The following WWOX variants were observed in gnomAD, a reference collection of about 807,000 sequenced individuals.
WWOX encodes the protein WW domain-containing oxidoreductase.
Under a neutral mutation model 46.2 loss-of-function variants are expected in WWOX, and 69 were observed. The observed-to-expected ratio is 1.49, with a 90% CI of 1.23 to 1.82. The LOEUF is 1.82. Ranked by LOEUF, WWOX falls within the 40% of genes most tolerant of loss-of-function variation. The pLI, the probability that WWOX is intolerant of heterozygous loss-of-function variation, is 0.00. For synonymous variants in WWOX, 359 were observed against 202.6 expected (o/e 1.77, Z -6.56); for missense variants, 919 against 542.6 (o/e 1.69, Z -6.89).
chr16:78,634,833 A>T (rs1342410708), intron 8 of WWOX, among the ~76,000 whole-genome samples: 108 of 111,348 alleles, frequency 9.7e-4, no homozygotes, highest in African/African-American at 3.7e-3. Flanking sequence ...AGAGAGAGAG[A>T]GAGAGTGTGT....
In WWOX at chr16:78,808,520, T is replaced by C. The variant is rs1197228101; in HGVS notation, c.1056+375768T>C. 2.0e-5 allele frequency among the ~76,000 whole-genome samples: 3 copies of C among 152,188 alleles called. No individual in the cohort carries two copies. The East Asian group carries it at 5.8e-4, about 29-fold the overall frequency. On this transcript the variant is annotated intron_variant, in intron 8 of 8. Coordinates refer to ENST00000566780, the MANE Select transcript of WWOX (RefSeq NM_016373.4). The stretch of plus-strand genomic sequence containing the variant: ...TGATGATTACTAAAAATGTGGACCT[T>C]TGTGAATTTCCGATGTCATAGAAGG...
At chr16:78,776,008 C>T (rs1451599828) in intron 8 of WWOX, among the ~76,000 whole-genome samples, 1 of 152,198 alleles carries the variant, frequency 6.6e-6, no homozygotes, top group Non-Finnish European at 1.5e-5. Context: ...TTTTTCTCTG[C>T]AGGACACAGC....
intron 5 of WWOX, among the ~76,000 whole-genome samples, chr16:78,273,913 C>T (rs578234721): frequency 7.9e-5 from 12 of 152,246 alleles, no homozygotes; most frequent in African/African-American, 2.9e-4. Flanking sequence ...TCCATTGGCA[C>T]CTGGATTTAG....
chr16:78,273,670 A>G (rs534760908), intron 5 of WWOX, among the ~76,000 whole-genome samples: 1 of 152,304 alleles, frequency 6.6e-6, no homozygotes, highest in African/African-American at 2.4e-5. Flanking sequence ...TGCAGTGAGT[A>G]CAGGGAGGAA....
At chr16:79,042,751 C>T (rs2202424) in intron 8 of WWOX, among the ~76,000 whole-genome samples, 2,226 of 125,334 alleles carry the variant, frequency 0.018, 51 homozygotes, top group African/African-American at 0.065. Context: ...TTTCTTCTAA[C>T]TTGTCCTCCT....
At chr16:78,152,930 T>C (rs1480658151) in intron 4 of WWOX, among the ~76,000 whole-genome samples, 5 of 152,188 alleles carry the variant, frequency 3.3e-5, no homozygotes, top group African/African-American at 1.2e-4. Flanking sequence ...ATTTGAGATG[T>C]ATTTATGTTA....
At chr16:79,113,976 ATGTC>A (rs1312727060) in intron 8 of WWOX, among the ~76,000 whole-genome samples, 1 of 152,156 alleles carries the variant, frequency 6.6e-6, no homozygotes. Flanking sequence ...AGCCATGTCT[ATGTC>A]TGGCGATGTG....
At chr16:78,786,049 G>A (rs902482100) in intron 8 of WWOX, among the ~76,000 whole-genome samples, 5 of 152,154 alleles carry the variant, frequency 3.3e-5, no homozygotes, top group African/African-American at 9.7e-5. Context: ...TGGGAATACA[G>A]GCACCCACCA....
At chr16:78,996,101 G>A (rs1365898430) in intron 8 of WWOX, 3 of 610,220 alleles carry the variant, frequency 4.9e-6, no homozygotes, top group African/African-American at 4.0e-5. Flanking sequence ...AAATCAGAAC[G>A]TGGCCCCTTC....
In WWOX at chr16:78,858,757, C is replaced by T. The variant is rs200620485; in HGVS notation, c.1057-352851C>T. On this transcript the variant is annotated intron_variant, in intron 8 of 8. Coordinates refer to ENST00000566780, the MANE Select transcript of WWOX (RefSeq NM_016373.4). The stretch of plus-strand genomic sequence containing the variant: ...TGCAGGGCACAATCACAGCTCACTG[C>T]AGCCTCAAACTTCTAGGCTTAAGTG... Among the ~76,000 whole-genome samples the T allele has an allele frequency of 4.6e-5, 7 of 151,944 alleles. No individual in the cohort carries two copies. The East Asian group carries it at 1.2e-3, about 25-fold the overall frequency.
intron 8 of WWOX, among the ~76,000 whole-genome samples, chr16:78,682,575 C>A (rs1362473183): frequency 6.6e-6 from 1 of 152,016 alleles, no homozygotes; most frequent in African/African-American, 2.4e-5. Flanking sequence ...AGAGCGAGAC[C>A]CTGTCTCTGA....
At chr16:79,042,369 G>T (rs546427284) in intron 8 of WWOX, among the ~76,000 whole-genome samples, 2 of 152,170 alleles carry the variant, frequency 1.3e-5, no homozygotes, top group Non-Finnish European at 2.9e-5. Flanking sequence ...GCAGGGCCTG[G>T]AGCTGGGTTT....
At chr16:79,083,863 C>G (rs1597359269) in intron 8 of WWOX, among the ~76,000 whole-genome samples, 1 of 152,148 alleles carries the variant, frequency 6.6e-6, no homozygotes, top group African/African-American at 2.4e-5. Context: ...AATGTTCATC[C>G]TCCTATTTTG....
At chr16:79,132,178 G>A (rs1034056419) in intron 8 of WWOX, among the ~76,000 whole-genome samples, 25 of 148,826 alleles carry the variant, frequency 1.7e-4, no homozygotes, top group African/African-American at 3.5e-4. Flanking sequence ...CCCTTCCTAC[G>A]TCCTACATCC....
chr16:79,203,903 G>T (rs2051424239), intron 8 of WWOX: 1 of 152,150 alleles, frequency 6.6e-6, no homozygotes, highest in African/African-American at 2.4e-5. Flanking sequence ...AAGAAGTAGA[G>T]TAAAAATGTA....
At chr16:78,463,234 A>T (rs1057320009) in intron 8 of WWOX, among the ~76,000 whole-genome samples, 1 of 152,142 alleles carries the variant, frequency 6.6e-6, no homozygotes, top group African/African-American at 2.4e-5. Context: ...ACGCAGGGCT[A>T]TTTTAGGTGC....
At chr16:78,523,946 C>T (rs2043402880) in intron 8 of WWOX, among the ~76,000 whole-genome samples, 1 of 152,304 alleles carries the variant, frequency 6.6e-6, no homozygotes, top group East Asian at 1.9e-4. Flanking sequence ...TTTCCTTGTT[C>T]TTCTTTCCCT....
In WWOX at chr16:78,921,132, A is replaced by G. The variant is rs540308872; in HGVS notation, c.1057-290476A>G. ...GAGCTTCTTGACATCTTTTTGAAGA[A>G]TGGCGCTCTTTAAAAAAACATAAGG... On this transcript the variant is annotated intron_variant, in intron 8 of 8. Transcript: ENST00000566780. 3.9e-5 allele frequency among the ~76,000 whole-genome samples: 6 copies of G among 152,304 alleles called. No individual in the cohort carries two copies. The East Asian group carries it at 1.2e-3, about 29-fold the overall frequency.
chr16:78,232,946 A>G lies in WWOX; in HGVS notation c.516+68657A>G, dbSNP rs140958841. Among the ~76,000 whole-genome samples, 44 of 152,130 alleles carry G rather than the reference A, an allele frequency of 2.9e-4. No individual in the cohort carries two copies. The East Asian group carries it at 7.0e-3, about 24-fold the overall frequency. On this transcript the variant is annotated intron_variant, in intron 5 of 8. Coordinates refer to ENST00000566780, the MANE Select transcript of WWOX (RefSeq NM_016373.4). ...AATCTCTGCCTCCTGGGTTCAAGCA[A>G]TTCTCCTGCCTCAGCCTCCCAAGTT...
Sources: allele counts gnomAD v4.1 joint callset (sites outside exome capture counted in the v4.1 genomes callset), GRCh38; gene constraint gnomAD v4.1.1; transcripts MANE v1.5; gene names NCBI Gene and HGNC (gene_info 2026-07-23, HGNC 2026-07-21).